Variants in TMEM217B observed in about 807,000 individuals in gnomAD.
TMEM217B encodes putative transmembrane protein 217B.
At chr6:37,215,446 G>T in the TMEM217B span, among the ~76,000 whole-genome samples, 8 of 151,582 alleles carry the variant, frequency 5.3e-5, no homozygotes, top group African/African-American at 1.7e-4. Context: ...ATGGTGGCAC[G>T]CGCCAACTAC....
the TMEM217B span, among the ~76,000 whole-genome samples, chr6:37,238,532 G>T: frequency 6.6e-6 from 1 of 152,154 alleles, no homozygotes; most frequent in Admixed American, 6.6e-5. Flanking sequence ...GGGTGTTCAT[G>T]GCACACAGTT....
chr6:37,243,422 T>A, the TMEM217B span, among the ~76,000 whole-genome samples: 6 of 152,170 alleles, frequency 3.9e-5, no homozygotes, highest in African/African-American at 1.4e-4. Context: ...CTGTCCTTCT[T>A]CCCAGTGTAA....
the TMEM217B span, among the ~76,000 whole-genome samples, chr6:37,219,573 T>C: frequency 1.3e-5 from 2 of 151,992 alleles, no homozygotes; most frequent in South Asian, 4.1e-4. Flanking sequence ...AAACCCCATC[T>C]CTACAAAAAT....
chr6:37,243,335 A>C, the TMEM217B span, among the ~76,000 whole-genome samples: 4 of 152,192 alleles, frequency 2.6e-5, no homozygotes. Flanking sequence ...TCATGTGACC[A>C]AGTCCTGAGA....
the TMEM217B span, chr6:37,215,068 A>T: frequency 8.2e-7 from 1 of 1,225,596 alleles, no homozygotes. Flanking sequence ...CACTGGTTCC[A>T]CAGCTCTGCT....
chr6:37,248,786 A>G, the TMEM217B span, among the ~76,000 whole-genome samples: 1 of 152,204 alleles, frequency 6.6e-6, no homozygotes, highest in African/African-American at 2.4e-5. Flanking sequence ...CTTTTTCTTT[A>G]TATCCTGCAT....
chr6:37,214,538 T>A, the TMEM217B span, among the ~76,000 whole-genome samples: 147 of 152,154 alleles, frequency 9.7e-4, 1 homozygote, highest in East Asian at 5.8e-4. Context: ...TCTTCAGAAC[T>A]TTTTCATCAT....
At chr6:37,224,311 T>A in the TMEM217B span, among the ~76,000 whole-genome samples, 1 of 151,276 alleles carries the variant, frequency 6.6e-6, no homozygotes, top group East Asian at 2.0e-4. Context: ...AAAAGAAATT[T>A]TTTTTAGCTG....
At chr6:37,254,249 A>G in the TMEM217B span, among the ~76,000 whole-genome samples, 2 of 152,188 alleles carry the variant, frequency 1.3e-5, no homozygotes, top group African/African-American at 4.8e-5. Context: ...GCAATATAGT[A>G]TAGGAAGCAC....
At chr6:37,227,080 C>T in the TMEM217B span, among the ~76,000 whole-genome samples, 2 of 152,210 alleles carry the variant, frequency 1.3e-5, no homozygotes, top group Non-Finnish European at 2.9e-5. Context: ...GATTTGAACT[C>T]ACAACTTTCT....
chr6:37,229,981 TC>T, the TMEM217B span, among the ~76,000 whole-genome samples: 6 of 152,216 alleles, frequency 3.9e-5, no homozygotes, highest in African/African-American at 1.2e-4. Flanking sequence ...AGAATCCCCT[TC>T]TAGCCTCCTT....
the TMEM217B span, chr6:37,212,447 G>A: frequency 5.3e-5 from 23 of 436,614 alleles, no homozygotes; most frequent in African/African-American, 3.2e-4. Flanking sequence ...ATTCCCAGAC[G>A]GACAGGTAGT....
the TMEM217B span, among the ~76,000 whole-genome samples, chr6:37,224,022 C>T: frequency 2.0e-4 from 30 of 150,578 alleles, no homozygotes; most frequent in South Asian, 4.2e-4. Flanking sequence ...CTGCAACCTC[C>T]GCCTCCTGGG....
chr6:37,254,926 T>C, the TMEM217B span, among the ~76,000 whole-genome samples: 1 of 152,176 alleles, frequency 6.6e-6, no homozygotes, highest in South Asian at 2.1e-4. Flanking sequence ...TAGATTCTCA[T>C]AAGGAGTGCG....
chr6:37,239,527 A>G, the TMEM217B span, among the ~76,000 whole-genome samples: 29 of 152,262 alleles, frequency 1.9e-4, no homozygotes, highest in South Asian at 5.6e-3. Flanking sequence ...ATTCTAAGAT[A>G]TGAGAAAGCA....
chr6:37,255,336 C>T, the TMEM217B span, among the ~76,000 whole-genome samples: 1 of 151,896 alleles, frequency 6.6e-6, no homozygotes, highest in African/African-American at 2.4e-5. Context: ...ACAATGGGGG[C>T]CATTGCAAAG....
At chr6:37,227,551 A>G in the TMEM217B span, among the ~76,000 whole-genome samples, 1 of 152,200 alleles carries the variant, frequency 6.6e-6, no homozygotes, top group East Asian at 1.9e-4. Context: ...GATTCAAGCA[A>G]TTCTCCTGCC....
chr6:37,250,993 T>C, the TMEM217B span, among the ~76,000 whole-genome samples: 1 of 151,480 alleles, frequency 6.6e-6, no homozygotes, highest in Non-Finnish European at 1.5e-5. Flanking sequence ...ACTGCCCTTT[T>C]AAGAGGGGCT....
chr6:37,237,358 G>A, the TMEM217B span, among the ~76,000 whole-genome samples: 3 of 152,058 alleles, frequency 2.0e-5, no homozygotes, highest in Non-Finnish European at 4.4e-5. Flanking sequence ...GAAATGAAGG[G>A]CTCTCTGTGT....
Sources: gnomAD v4.1 joint callset for allele counts (sites outside exome capture counted in the v4.1 genomes callset) on GRCh38, gnomAD v4.1.1 for gene constraint, MANE v1.5 for transcripts, NCBI Gene and HGNC (gene_info 2026-07-23, HGNC 2026-07-21) for gene names.